PPM1H: variants seen among roughly 807,000 people sequenced by gnomAD.
The protein encoded by PPM1H is protein phosphatase, Mg2+/Mn2+ dependent 1H, also known as protein phosphatase 1H.
In PPM1H, 27 loss-of-function variants were observed where a neutral mutation model predicts 54.9. The ratio of observed to expected loss-of-function variants is 0.49; its 90% CI spans 0.36 to 0.68. PPM1H has a LOEUF of 0.68. Among genes scored for constraint, PPM1H ranks in the 30% least tolerant of loss-of-function variants. The probability of loss-of-function intolerance (pLI) is 0.00; values close to 1 mark genes in which losing one functional copy is unlikely to be tolerated. For synonymous variants in PPM1H, 305 were observed against 270.8 expected, an observed-to-expected ratio of 1.13 and a Z score of -1.24; for missense variants, 596 against 667.8, an observed-to-expected ratio of 0.89 and a Z score of 1.19.
At chr12:62,740,959 C>A (rs75247190) in intron 4 of PPM1H, among the ~76,000 whole-genome samples, 1 of 152,312 alleles carries the variant, frequency 6.6e-6, no homozygotes, top group Non-Finnish European at 1.5e-5. Flanking sequence ...TCCAGACAAC[C>A]TTTCTAGCCC....
chr12:62,712,789 C>T (rs1389862510), intron 6 of PPM1H, among the ~76,000 whole-genome samples: 8 of 152,134 alleles, frequency 5.3e-5, no homozygotes, highest in African/African-American at 9.7e-5. Flanking sequence ...CTTTAAAAAC[C>T]GCCTTGGGAT....
intron 4 of PPM1H, among the ~76,000 whole-genome samples, chr12:62,741,725 A>G (rs2076381927): frequency 6.6e-6 from 1 of 151,744 alleles, no homozygotes; most frequent in Admixed American, 6.6e-5. Context: ...CCCCGCGGAT[A>G]TTTTCCAGGC....
chr12:62,833,164 A>C (rs1214324416), intron 1 of PPM1H, among the ~76,000 whole-genome samples: 1 of 152,184 alleles, frequency 6.6e-6, no homozygotes, highest in African/African-American at 2.4e-5. Flanking sequence ...CTAAAGCTTC[A>C]ACAGTGTCAC....
intron 4 of PPM1H, among the ~76,000 whole-genome samples, chr12:62,787,685 T>A (rs2076681021): frequency 6.6e-6 from 1 of 152,128 alleles, no homozygotes; most frequent in Non-Finnish European, 1.5e-5. Context: ...AATAAAAACA[T>A]AAATGTATCT....
chr12:62,666,867 C>G (rs113021701), intron 9 of PPM1H, among the ~76,000 whole-genome samples: 1 of 152,192 alleles, frequency 6.6e-6, no homozygotes, highest in South Asian at 2.1e-4. Flanking sequence ...GTGCCCACCA[C>G]CATGCCCAGC....
chr12:62,744,704 C>G (rs2076400587), intron 4 of PPM1H, among the ~76,000 whole-genome samples: 1 of 152,192 alleles, frequency 6.6e-6, no homozygotes, highest in Admixed American at 6.5e-5. Context: ...CCCAGCAGGC[C>G]TCACGGGGGA....
At position 62,683,032 on chromosome 12, in the gene PPM1H, A is replaced by ATTATTT. The variant is rs1555188720; in HGVS notation, c.1245+6666_1245+6667insAAATAA. On this transcript the variant is annotated intron_variant, in intron 8 of 9. Coordinates refer to ENST00000228705, the MANE Select transcript of PPM1H (RefSeq NM_020700.2). ...GATACTACATTTGGGAGAGTTTATTATTTATTATTATTATTATTATTATTA... is the reference window on the plus strand; with the variant it reads ...GATACTACATTTGGGAGAGTTTATTATTATTTTTTATTATTATTATTATTATTATTA... Among the ~76,000 whole-genome samples, 106 of 126,346 alleles carry ATTATTT rather than the reference A, an allele frequency of 8.4e-4. 2 individuals carry two copies. The highest frequency in any genetic ancestry group is 8.8e-4 in the Non-Finnish European group (53 of 60,170). 82.9% of individuals were successfully genotyped at this position (126,346 alleles called of 152,430 possible).
chr12:62,724,230 T>A (rs75258447), intron 5 of PPM1H, among the ~76,000 whole-genome samples: 14 of 152,376 alleles, frequency 9.2e-5, no homozygotes, highest in African/African-American at 2.9e-4. Flanking sequence ...TGACATAAGC[T>A]TATATTAAAT....
At chr12:62,805,090 A>G (rs1171376291) in intron 2 of PPM1H, among the ~76,000 whole-genome samples, 2 of 152,224 alleles carry the variant, frequency 1.3e-5, no homozygotes, top group African/African-American at 4.8e-5. Context: ...AAGATAAGCA[A>G]GTGGCTAACA....
chr12:62,900,400 G>C (rs549277652), intron 1 of PPM1H, among the ~76,000 whole-genome samples: 276 of 152,032 alleles, frequency 1.8e-3, no homozygotes, highest in African/African-American at 5.5e-3. Context: ...GGTGGGGTAG[G>C]GGGGAGGGAT....
chr12:62,726,161 T>A (rs1020090929), intron 5 of PPM1H, among the ~76,000 whole-genome samples: 13 of 152,324 alleles, frequency 8.5e-5, no homozygotes, highest in African/African-American at 2.9e-4. Context: ...AAAGGAACTC[T>A]TCTCAAGAAC....
Position 62,758,195 on chromosome 12 carries a change from G to T in PPM1H, c.870-20609C>A, listed in dbSNP as rs371421227. 5.9e-5 allele frequency among the ~76,000 whole-genome samples: 9 copies of T among 152,288 alleles called. No individual in the cohort carries two copies. In the East Asian group the frequency reaches 1.5e-3, roughly 26 times the overall value. ...AATCACTCAGTCATCCATTGTAGTTGTGAGATCTCTTTCTTGGAAATCAAC... is the reference window on the plus strand; with the variant it reads ...AATCACTCAGTCATCCATTGTAGTTTTGAGATCTCTTTCTTGGAAATCAAC... On this transcript the variant is annotated intron_variant, in intron 4 of 9. Coordinates refer to ENST00000228705, the MANE Select transcript of PPM1H (RefSeq NM_020700.2).
At chr12:62,787,250 A>C (rs1428917741) in intron 4 of PPM1H, among the ~76,000 whole-genome samples, 1 of 152,054 alleles carries the variant, frequency 6.6e-6, no homozygotes, top group African/African-American at 2.4e-5. Context: ...AGACCTCAAA[A>C]AGGGTGGAGC....
At chr12:62,738,720 A>G (rs573678938) in intron 4 of PPM1H, among the ~76,000 whole-genome samples, 9 of 152,260 alleles carry the variant, frequency 5.9e-5, no homozygotes, top group Non-Finnish European at 1.0e-4. Flanking sequence ...TAGAGACCTG[A>G]GACCTGACAT....
chr12:62,895,260 A>G (rs753653003), intron 1 of PPM1H, among the ~76,000 whole-genome samples: 2 of 152,224 alleles, frequency 1.3e-5, no homozygotes, highest in East Asian at 1.9e-4. Context: ...GGGCAAGCCA[A>G]TAGTCTCAGA....
At position 62,690,974 on chromosome 12, in the gene PPM1H, C is replaced by CAAA. The variant is rs1281158946; in HGVS notation, c.1138-1169_1138-1168insTTT. ...TGACACAGTGAGACTCAGTCTCAAA[C>CAAA]CAACAAACAAACAAATAAAAAAACC... On this transcript the variant is annotated intron_variant, in intron 7 of 9. Transcript: ENST00000228705. Among the ~76,000 whole-genome samples, 523 of 151,826 alleles carry CAAA rather than the reference C, an allele frequency of 3.4e-3. 6 individuals are homozygous for CAAA. The highest frequency in any genetic ancestry group is 0.012 in the African/African-American group (489 of 41,400).
chr12:62,764,924 C>T (rs563683952), intron 4 of PPM1H, among the ~76,000 whole-genome samples: 2 of 152,206 alleles, frequency 1.3e-5, no homozygotes, highest in African/African-American at 4.8e-5. Flanking sequence ...AGGAGCTGGA[C>T]AAAGCCATGC....
chr12:62,752,667 C>A (rs1051644829), intron 4 of PPM1H, among the ~76,000 whole-genome samples: 10 of 152,118 alleles, frequency 6.6e-5, no homozygotes, highest in Non-Finnish European at 1.5e-5. Flanking sequence ...AAAGGAGTCC[C>A]ATGCCAAATC....
At chr12:62,881,313 T>C (rs1426930511) in intron 1 of PPM1H, among the ~76,000 whole-genome samples, 3 of 151,994 alleles carry the variant, frequency 2.0e-5, no homozygotes, top group Non-Finnish European at 4.4e-5. Context: ...TGTGAAGGGA[T>C]TTTGCAGATG....
Sources: allele counts gnomAD v4.1 joint callset (sites outside exome capture counted in the v4.1 genomes callset), GRCh38; gene constraint gnomAD v4.1.1; transcripts MANE v1.5; gene names NCBI Gene and HGNC (gene_info 2026-07-23, HGNC 2026-07-21).